Variants in ZNF385D observed in about 807,000 individuals in gnomAD.
The protein encoded by ZNF385D is zinc finger protein 385D.
A neutral mutation model predicts 35.8 loss-of-function variants in ZNF385D; 15 were observed. That is an observed-to-expected ratio of 0.42 (90% confidence interval 0.28 to 0.64). The LOEUF (loss-of-function observed/expected upper bound fraction) is 0.64, where lower values mean the gene tolerates loss of function less well. Ranked by LOEUF, ZNF385D falls within the 30% of genes least tolerant of loss-of-function variation. ZNF385D has a pLI of 0.23. For synonymous variants in ZNF385D, 212 were observed against 186.8 expected (o/e 1.13, Z -1.10); for missense variants, 474 against 494.6 (o/e 0.96, Z 0.39).
At chr3:21,610,778 C>A (rs71310264) in intron 2 of ZNF385D, among the ~76,000 whole-genome samples, 50,680 of 126,494 alleles carry the variant, frequency 0.4, 8,971 homozygotes, top group South Asian at 0.52. Context: ...CCGTCCCCCC[C>A]AAAAAAAAAA....
intron 2 of ZNF385D, among the ~76,000 whole-genome samples, chr3:22,210,337 G>A (rs1304623300): frequency 6.6e-6 from 1 of 151,748 alleles, no homozygotes; most frequent in South Asian, 2.1e-4. Flanking sequence ...AAATTTGAAT[G>A]GTGGTTCTAT....
At chr3:21,831,272 T>G (rs530906956) in intron 3 of ZNF385D, among the ~76,000 whole-genome samples, 6 of 152,314 alleles carry the variant, frequency 3.9e-5, no homozygotes, top group African/African-American at 1.4e-4. Context: ...TGAACCTCAT[T>G]TGAAGGGAAG....
At chr3:22,058,391 C>T (rs369728804) in intron 3 of ZNF385D, among the ~76,000 whole-genome samples, 1 of 152,176 alleles carries the variant, frequency 6.6e-6, no homozygotes, top group Admixed American at 6.5e-5. Context: ...GGATAGAACC[C>T]TATTGTTTAA....
At chr3:21,547,620 GTT>G (rs113689036) in intron 3 of ZNF385D, among the ~76,000 whole-genome samples, 3 of 141,192 alleles carry the variant, frequency 2.1e-5, no homozygotes, top group Admixed American at 7.1e-5. Context: ...GTTTTGTTTT[GTT>G]TTTTTTTTTT....
In ZNF385D at chr3:21,546,765, A is replaced by C. The variant is rs561609283; in HGVS notation, c.276+17809T>G. 3.9e-5 allele frequency among the ~76,000 whole-genome samples: 6 copies of C among 152,152 alleles called. No individual in the cohort carries two copies. In the South Asian group the frequency reaches 1.2e-3, roughly 32 times the overall value. ...AATATCCATGGCATAAATGAGGTCTAGGGAACTCCAAGGCTACTGGCAGTA... is the reference window on the plus strand; with the variant it reads ...AATATCCATGGCATAAATGAGGTCTCGGGAACTCCAAGGCTACTGGCAGTA... On this transcript the variant is annotated intron_variant, in intron 3 of 7. Coordinates refer to ENST00000281523, the MANE Select transcript of ZNF385D (RefSeq NM_024697.3).
chr3:22,129,767 A>G (rs773214115), intron 3 of ZNF385D, among the ~76,000 whole-genome samples: 4 of 152,132 alleles, frequency 2.6e-5, no homozygotes, highest in Non-Finnish European at 4.4e-5. Context: ...AACACTCTCC[A>G]GGAGCTAAAG....
intron 2 of ZNF385D, among the ~76,000 whole-genome samples, chr3:22,172,594 G>C (rs1576442828): frequency 6.6e-6 from 1 of 152,056 alleles, no homozygotes; most frequent in African/African-American, 2.4e-5. Context: ...GCCACCCCTG[G>C]CATGGGTCTC....
chr3:21,555,854 C>T (rs186827705), intron 3 of ZNF385D, among the ~76,000 whole-genome samples: 363 of 152,300 alleles, frequency 2.4e-3, no homozygotes, highest in Non-Finnish European at 4.0e-3. Flanking sequence ...TCCTATTTCT[C>T]TACATCCTCT....
chr3:22,116,700 T>G (rs114894392), intron 3 of ZNF385D, among the ~76,000 whole-genome samples: 3,850 of 152,068 alleles, frequency 0.025, 166 homozygotes, highest in African/African-American at 0.088. Flanking sequence ...AAACCAAAAT[T>G]TGTCAGTCTA....
At chr3:22,139,095 C>G (rs1704333072) in intron 3 of ZNF385D, among the ~76,000 whole-genome samples, 1 of 113,278 alleles carries the variant, frequency 8.8e-6, no homozygotes, top group African/African-American at 2.7e-5. Context: ...GAATGGCCAT[C>G]ATTAAAAAGT....
Position 21,959,543 on chromosome 3 carries a change from A to G in ZNF385D, c.325+209274T>C, listed in dbSNP as rs114602210. Among the ~76,000 whole-genome samples the G allele has an allele frequency of 2.3e-3, 347 of 152,306 alleles. 3 individuals are homozygous for G. The highest frequency in any genetic ancestry group is 7.9e-3 in the African/African-American group (328 of 41,578). On this transcript the variant is annotated intron_variant, in intron 3 of 5. Transcript: ENST00000494108. ...TTCAGAGTGCTGGAAAGAACCATGT[A>G]AGGTACTTGCCCTAACTCCAGTCAC...
rs180788087 is a variant in ZNF385D, at chr3:22,180,675, T to A, written c.107-11640A>T. On this transcript the variant is annotated intron_variant, in intron 2 of 5. Transcript: ENST00000494108. Reference sequence around the variant, plus strand: ...TAATCCAGCATATAAACAGAACCAATGACAAAAACCACATGATTATCTCAA... The same window carrying A: ...TAATCCAGCATATAAACAGAACCAAAGACAAAAACCACATGATTATCTCAA... 5.0e-3 allele frequency among the ~76,000 whole-genome samples: 754 copies of A among 152,196 alleles called. 4 individuals are homozygous for A. The highest frequency in any genetic ancestry group is 0.017 in the African/African-American group (719 of 41,516).
At chr3:21,494,638 T>C (rs1476663176) in intron 4 of ZNF385D, among the ~76,000 whole-genome samples, 1 of 152,294 alleles carries the variant, frequency 6.6e-6, no homozygotes, top group East Asian at 1.9e-4. Flanking sequence ...CTGGTTTCTT[T>C]ATCTGTAAAT....
chr3:22,200,407 T>C (rs1696706572), intron 2 of ZNF385D, among the ~76,000 whole-genome samples: 1 of 151,968 alleles, frequency 6.6e-6, no homozygotes, highest in Non-Finnish European at 1.5e-5. Flanking sequence ...CAAGTTTTTA[T>C]TAGGGAGTTT....
intron 3 of ZNF385D, among the ~76,000 whole-genome samples, chr3:21,775,049 A>T (rs2071230655): frequency 6.6e-6 from 1 of 151,880 alleles, no homozygotes; most frequent in South Asian, 2.1e-4. Flanking sequence ...TACAAATGAC[A>T]TAACCTGAGA....
chr3:21,706,845 T>C (rs937587184), intron 1 of ZNF385D, among the ~76,000 whole-genome samples: 6 of 144,840 alleles, frequency 4.1e-5, no homozygotes, highest in Admixed American at 7.1e-5. Context: ...GATAGATAGA[T>C]AGATAGATAA....
chr3:21,906,609 G>A (rs562593281), intron 3 of ZNF385D, among the ~76,000 whole-genome samples: 1 of 152,236 alleles, frequency 6.6e-6, no homozygotes, highest in Non-Finnish European at 1.5e-5. Context: ...CCTGGGTTCT[G>A]TGCCTTCAGT....
At chr3:21,615,835 C>A (rs562913674) in intron 2 of ZNF385D, among the ~76,000 whole-genome samples, 16 of 92,476 alleles carry the variant, frequency 1.7e-4, no homozygotes, top group South Asian at 4.6e-4. Flanking sequence ...TTAAAAAAAT[C>A]AATTTGCAAA....
At chr3:21,448,735 C>T (rs895565779) in intron 4 of ZNF385D, among the ~76,000 whole-genome samples, 2 of 152,118 alleles carry the variant, frequency 1.3e-5, no homozygotes, top group African/African-American at 4.8e-5. Flanking sequence ...GCCAAGATTC[C>T]CTTTCTATCT....
Sources: gnomAD v4.1 joint callset for allele counts (sites outside exome capture counted in the v4.1 genomes callset) on GRCh38, gnomAD v4.1.1 for gene constraint, MANE v1.5 for transcripts, NCBI Gene and HGNC (gene_info 2026-07-23, HGNC 2026-07-21) for gene names.